GABBR2: variants seen among roughly 807,000 people sequenced by gnomAD.
GABBR2 encodes gamma-aminobutyric acid type B receptor subunit 2, also known as G-protein coupled receptor 51.
A neutral mutation model predicts 105.6 loss-of-function variants in GABBR2; 23 were observed. The ratio of observed to expected loss-of-function variants is 0.22; its 90% CI spans 0.16 to 0.31. The LOEUF is 0.31. Ranked by LOEUF, GABBR2 falls within the 10% of genes least tolerant of loss-of-function variation. The pLI is 1.00. For missense variants in GABBR2, 734 were observed against 1,245.5 expected (o/e 0.59, Z 6.18); for synonymous variants, 478 against 499.7 (o/e 0.96, Z 0.58).
intron 3 of GABBR2, among the ~76,000 whole-genome samples, chr9:98,498,629 G>T (rs879888165): frequency 2.6e-5 from 4 of 152,198 alleles, no homozygotes; most frequent in Admixed American, 2.6e-4. Context: ...GTCCTTGGGT[G>T]TTTATTTTAT....
At chr9:98,503,102 C>T (rs570596831) in intron 3 of GABBR2, among the ~76,000 whole-genome samples, 21 of 152,172 alleles carry the variant, frequency 1.4e-4, no homozygotes, top group South Asian at 4.1e-4. Flanking sequence ...GAGACAAGGA[C>T]GCTCAAGTTC....
chr9:98,564,039 C>T (rs1482327692), intron 2 of GABBR2, among the ~76,000 whole-genome samples: 1 of 152,060 alleles, frequency 6.6e-6, no homozygotes, highest in African/African-American at 2.4e-5. Context: ...TTTTTATACA[C>T]AAGTTACTGA....
intron 1 of GABBR2, among the ~76,000 whole-genome samples, chr9:98,596,564 C>T (rs1829237894): frequency 6.6e-6 from 1 of 152,122 alleles, no homozygotes; most frequent in Non-Finnish European, 1.5e-5. Flanking sequence ...CAATTTTATT[C>T]CTATAACAGC....
intron 2 of GABBR2, among the ~76,000 whole-genome samples, chr9:98,575,507 A>ACAACAAAC (rs957222481): frequency 2.5e-4 from 38 of 152,298 alleles, no homozygotes; most frequent in Non-Finnish European, 4.9e-4. Flanking sequence ...TTCCATCCAC[A>ACAACAAAC]CAACAAACCA....
chr9:98,291,464 T>A (rs137862007), intron 18 of GABBR2, among the ~76,000 whole-genome samples: 2 of 152,190 alleles, frequency 1.3e-5, no homozygotes, highest in Non-Finnish European at 2.9e-5. Flanking sequence ...GCCTGCTCCA[T>A]CCTTCCTCTC....
chr9:98,498,122 G>T (rs1827321385), intron 3 of GABBR2, among the ~76,000 whole-genome samples: 1 of 152,070 alleles, frequency 6.6e-6, no homozygotes, highest in South Asian at 2.1e-4. Context: ...CATGAAATAA[G>T]GCAGACACAA....
intron 15 of GABBR2, 99 bp from the exon 16 acceptor site, chr9:98,303,522 C>A (rs1241299396): frequency 9.5e-7 from 1 of 1,048,208 alleles, no homozygotes; most frequent in South Asian, 1.5e-5. Context: ...GCTCTGGAGG[C>A]GATAAGAGGC....
At chr9:98,422,126 A>G (rs1832792046) in intron 7 of GABBR2, among the ~76,000 whole-genome samples, 1 of 151,576 alleles carries the variant, frequency 6.6e-6, no homozygotes, top group South Asian at 2.1e-4. Context: ...ATATAAAGAC[A>G]GCAACCCCAA....
At position 98,496,493 on chromosome 9, in the gene GABBR2, C is replaced by T; in HGVS notation, c.652G>A (p.Val218Ile). ...FSEVRNDLTG[V>I]LYGEDIEISD... ...ATCTCAATGTCCTCGCCATACAGAA[C>T]TCCAGTCAGGTCATTCCGCACCTGT... Residue 218 changes from valine (V) to isoleucine (I), a missense_variant, in exon 4 of 19, where the codon GTT becomes ATT. Coordinates refer to ENST00000259455, the MANE Select transcript of GABBR2 (RefSeq NM_005458.8). The T allele has an allele frequency of 6.2e-7, 1 of 1,612,666 alleles. No homozygotes were observed. The highest frequency in any genetic ancestry group is 8.5e-7 in the Non-Finnish European group (1 of 1,178,882).
intron 1 of GABBR2, among the ~76,000 whole-genome samples, chr9:98,597,648 G>A (rs971841033): frequency 1.3e-5 from 2 of 152,140 alleles, no homozygotes; most frequent in African/African-American, 2.4e-5. Flanking sequence ...GTGGCAGCAA[G>A]CATCACTGCC....
At position 98,578,039 on chromosome 9, in the gene GABBR2, C is replaced by T. The variant is rs1021777878; in HGVS notation, c.355G>A (p.Asp119Asn). The change falls in exon 2 of 19, where the codon GAT becomes AAT. Residue 119 changes from aspartate (D) to asparagine (N), a missense_variant. Physicochemically the swap from Asp to Asn is conservative, Grantham distance 23. Coordinates refer to ENST00000259455, the MANE Select transcript of GABBR2 (RefSeq NM_005458.8). ...DNAKGLKAFY[D>N]AIKYGPNHLM... The stretch of plus-strand genomic sequence containing the variant: ...TGGTTAGGCCCGTATTTTATTGCAT[C>T]GTAGAAGGCTTTCAACCCTTTTGCG... 4 of 1,613,924 alleles carry T rather than the reference C, an allele frequency of 2.5e-6. No homozygotes were observed. Among genetic ancestry groups the T allele is most frequent in the East Asian group, 2.2e-5 (1 of 44,874 alleles).
At chr9:98,614,261 C>T (rs777179493) in intron 1 of GABBR2, among the ~76,000 whole-genome samples, 7 of 152,186 alleles carry the variant, frequency 4.6e-5, no homozygotes, top group Admixed American at 1.3e-4. Context: ...CGGTGGCTCA[C>T]GCCTGTAATC....
intron 1 of GABBR2, among the ~76,000 whole-genome samples, chr9:98,604,748 C>T (rs1829387468): frequency 1.3e-5 from 2 of 152,144 alleles, no homozygotes; most frequent in Non-Finnish European, 2.9e-5. Flanking sequence ...CACATTTTCC[C>T]CTTGATAGTC....
chr9:98,668,022 C>T (rs942398442), intron 1 of GABBR2, among the ~76,000 whole-genome samples: 5 of 152,222 alleles, frequency 3.3e-5, no homozygotes, highest in Non-Finnish European at 5.9e-5. Flanking sequence ...CCCAGTCCCA[C>T]TGCCTCAATT....
At chr9:98,353,299 C>T (rs910129037) in intron 13 of GABBR2, among the ~76,000 whole-genome samples, 1 of 152,204 alleles carries the variant, frequency 6.6e-6, no homozygotes, top group Non-Finnish European at 1.5e-5. Context: ...TTAGGCTCCA[C>T]TTCTAATTCG....
chr9:98,565,287 T>C (rs1171210916), intron 2 of GABBR2, among the ~76,000 whole-genome samples: 4 of 152,152 alleles, frequency 2.6e-5, no homozygotes, highest in Non-Finnish European at 5.9e-5. Context: ...GAGTTACATG[T>C]GTGAGCGGCC....
At chr9:98,330,832 T>C (rs1215019006) in intron 13 of GABBR2, among the ~76,000 whole-genome samples, 1 of 152,212 alleles carries the variant, frequency 6.6e-6, no homozygotes, top group Non-Finnish European at 1.5e-5. Flanking sequence ...CACAATGCTG[T>C]GCAATTAGCA....
At chr9:98,680,062 AG>A (rs1412501030) in intron 1 of GABBR2, among the ~76,000 whole-genome samples, 1 of 152,142 alleles carries the variant, frequency 6.6e-6, no homozygotes, top group Admixed American at 6.5e-5. Flanking sequence ...CTTTTGTTAT[AG>A]GGGCCTAAGC....
chr9:98,348,615 G>A (rs1341312082), intron 13 of GABBR2, among the ~76,000 whole-genome samples: 2 of 152,070 alleles, frequency 1.3e-5, no homozygotes, highest in Non-Finnish European at 2.9e-5. Flanking sequence ...TCTTTCATTG[G>A]TGTTTTGTAG....
Sources: allele counts gnomAD v4.1 joint callset (sites outside exome capture counted in the v4.1 genomes callset), GRCh38; gene constraint gnomAD v4.1.1; transcripts MANE v1.5; gene names NCBI Gene and HGNC (gene_info 2026-07-23, HGNC 2026-07-21).